Variants in ZRANB3 observed in about 807,000 individuals in gnomAD.
ZRANB3 encodes the protein DNA annealing helicase and endonuclease ZRANB3.
Under a neutral mutation model 133.8 loss-of-function variants are expected in ZRANB3, and 125 were observed. The observed-to-expected ratio is 0.93, with a 90% confidence interval of 0.81 to 1.08. The LOEUF is 1.08. Ranked by LOEUF, ZRANB3 falls within the 50% of genes least tolerant of loss-of-function variation. ZRANB3 has a pLI of 0.00. For missense variants in ZRANB3, 1,229 were observed against 1,275.5 expected (o/e 0.96, Z 0.56); for synonymous variants, 387 against 432.7 (o/e 0.89, Z 1.31).
At chr2:135,430,950 A>C (rs1689293549) in intron 2 of ZRANB3, among the ~76,000 whole-genome samples, 1 of 152,176 alleles carries the variant, frequency 6.6e-6, no homozygotes, top group Non-Finnish European at 1.5e-5. Flanking sequence ...ATGTAAAACT[A>C]TAGCAAAAAC....
At chr2:135,323,483 G>C (rs2104836781) in intron 6 of ZRANB3, among the ~76,000 whole-genome samples, 1 of 152,170 alleles carries the variant, frequency 6.6e-6, no homozygotes, top group East Asian at 1.9e-4. Flanking sequence ...AAATAGAATT[G>C]ACAAAGAACA....
At chr2:135,281,865 T>C (rs1258563581) in intron 8 of ZRANB3, among the ~76,000 whole-genome samples, 3 of 152,218 alleles carry the variant, frequency 2.0e-5, no homozygotes, top group Admixed American at 6.5e-5. Context: ...ACACCCCAGT[T>C]GCCCATCATT....
In ZRANB3 at chr2:135,510,823, CACT is replaced by C. The variant is rs545260158; in HGVS notation, c.-7-6330_-7-6328del. 1.2e-5 allele frequency: 10 copies of C among 850,840 alleles called. No individual in the cohort carries two copies. In the East Asian group the frequency reaches 1.4e-4, roughly 12 times the overall value. The allele number at this position is 850,840 out of a possible 1,614,324, so 52.7% of individuals were successfully genotyped here. ...AAACCAAAACTGGGTAATTTCCCACCACTGTTAATGTGCAACTCCACCACGTTC... is the reference window on the plus strand; with the variant it reads ...AAACCAAAACTGGGTAATTTCCCACCGTTAATGTGCAACTCCACCACGTTC... On this transcript the variant is annotated intron_variant, in intron 1 of 20. Coordinates refer to ENST00000264159, the MANE Select transcript of ZRANB3 (RefSeq NM_032143.4).
intron 8 of ZRANB3, among the ~76,000 whole-genome samples, chr2:135,307,959 G>A (rs537926381): frequency 5.3e-5 from 8 of 152,274 alleles, no homozygotes; most frequent in African/African-American, 9.6e-5. Flanking sequence ...AGTCCTGCAC[G>A]CCTGTAGGAT....
At chr2:135,421,878 C>CTT (rs796407702) in intron 2 of ZRANB3, among the ~76,000 whole-genome samples, 1 of 129,772 alleles carries the variant, frequency 7.7e-6, no homozygotes, top group African/African-American at 2.8e-5. Flanking sequence ...ACTTTTATTT[C>CTT]TTTTTTTTTT....
intron 12 of ZRANB3, among the ~76,000 whole-genome samples, chr2:135,235,905 C>G (rs2105075694): frequency 6.6e-6 from 1 of 151,704 alleles, no homozygotes; most frequent in East Asian, 1.9e-4. Flanking sequence ...TCTCACCACT[C>G]CTATTCAACA....
At position 135,418,925 on chromosome 2, in the gene ZRANB3, C is replaced by CTCT. The variant is rs60788576; in HGVS notation, c.162-28106_162-28105insAGA. Among the ~76,000 whole-genome samples, 770 of 86,050 alleles carry CTCT rather than the reference C, an allele frequency of 8.9e-3. 23 individuals are homozygous for CTCT. Among genetic ancestry groups the CTCT allele is most frequent in the East Asian group, 0.06 (111 of 1,858 alleles). The allele number at this position is 86,050 out of a possible 152,430, so 56.5% of individuals were successfully genotyped here. A position where few individuals can be genotyped will look rare whatever the true frequency, so the allele number is the denominator to read the frequency against. The stretch of plus-strand genomic sequence containing the variant: ...AAGTAATGAAAAATAAGGATTCTCT[C>CTCT]TTTTTTTTTTTTTTTTTTTTTTTTT... On this transcript the variant is annotated intron_variant, in intron 2 of 20. Coordinates refer to ENST00000264159, the MANE Select transcript of ZRANB3 (RefSeq NM_032143.4).
chr2:135,276,795 G>A (rs188302884), intron 8 of ZRANB3, among the ~76,000 whole-genome samples: 3 of 152,258 alleles, frequency 2.0e-5, no homozygotes, highest in Non-Finnish European at 1.5e-5. Flanking sequence ...ATCCTAAACT[G>A]GCTATGGAAA....
chr2:135,334,029 A>G (rs1684268554), intron 6 of ZRANB3, among the ~76,000 whole-genome samples: 1 of 152,128 alleles, frequency 6.6e-6, no homozygotes, highest in Admixed American at 6.5e-5. Context: ...ATCCCTACCT[A>G]ACTCCGTCAC....
intron 2 of ZRANB3, among the ~76,000 whole-genome samples, chr2:135,496,965 T>C (rs1467239267): frequency 6.6e-6 from 1 of 152,160 alleles, no homozygotes; most frequent in Admixed American, 6.5e-5. Context: ...GATGGTCTCA[T>C]CCTTAAGAGA....
chr2:135,266,779 AAG>A (rs1443039768), intron 11 of ZRANB3, among the ~76,000 whole-genome samples: 1 of 152,018 alleles, frequency 6.6e-6, no homozygotes, highest in Non-Finnish European at 1.5e-5. Context: ...AAAAAAAAAA[AAG>A]AGTCTAATAA....
chr2:135,307,320 C>T (rs955412847), intron 8 of ZRANB3, among the ~76,000 whole-genome samples: 11 of 152,218 alleles, frequency 7.2e-5, no homozygotes, highest in Non-Finnish European at 1.3e-4. Context: ...CCTGTCTCAG[C>T]ATCCTGAAGC....
intron 1 of ZRANB3, among the ~76,000 whole-genome samples, chr2:135,520,094 T>G (rs78862502): frequency 0.1 from 15,806 of 150,816 alleles, 1,087 homozygotes; most frequent in South Asian, 0.32. Flanking sequence ...TTTTTTTTTT[T>G]TTGTTTTGGT....
At chr2:135,291,566 TTTTTTA>T (rs1178994934) in intron 8 of ZRANB3, among the ~76,000 whole-genome samples, 2 of 151,708 alleles carry the variant, frequency 1.3e-5, no homozygotes, top group Non-Finnish European at 2.9e-5. Context: ...ATTCTTTTTA[TTTTTTA>T]TTTTTATTTT....
intron 1 of ZRANB3, among the ~76,000 whole-genome samples, chr2:135,527,747 T>G (rs6704716): frequency 0.055 from 8,413 of 152,262 alleles, 444 homozygotes; most frequent in African/African-American, 0.14. Flanking sequence ...AGCCCACTGT[T>G]GCAAGTTTTT....
At chr2:135,338,018 T>G (rs1684445130) in intron 6 of ZRANB3, among the ~76,000 whole-genome samples, 1 of 152,320 alleles carries the variant, frequency 6.6e-6, no homozygotes, top group Non-Finnish European at 1.5e-5. Context: ...GTATAAGAAA[T>G]GCTTCTCCAA....
chr2:135,468,489 A>C (rs1337195224), intron 2 of ZRANB3, among the ~76,000 whole-genome samples: 2 of 152,238 alleles, frequency 1.3e-5, no homozygotes, highest in African/African-American at 4.8e-5. Context: ...TACACAATGT[A>C]ACAAAATTTA....
At chr2:135,511,066 G>T in intron 1 of ZRANB3, 1 of 772,530 alleles carries the variant, frequency 1.3e-6, no homozygotes, top group South Asian at 1.4e-5. Context: ...TTCTGTGGTG[G>T]AATCTGAGAT....
intron 2 of ZRANB3, among the ~76,000 whole-genome samples, chr2:135,451,284 G>A (rs777324993): frequency 1.1e-4 from 16 of 152,132 alleles, no homozygotes; most frequent in South Asian, 2.1e-4. Context: ...ATTACTGGCC[G>A]GGTACGGTGG....
Sources: allele counts gnomAD v4.1 joint callset (sites outside exome capture counted in the v4.1 genomes callset), GRCh38; gene constraint gnomAD v4.1.1; transcripts MANE v1.5; gene names NCBI Gene and HGNC (gene_info 2026-07-23, HGNC 2026-07-21).